PLXDC2: variants seen among roughly 807,000 people sequenced by gnomAD.
PLXDC2 encodes the protein plexin domain containing 2, also known as plexin domain-containing protein 2.
A neutral mutation model predicts 68.9 loss-of-function variants in PLXDC2; 40 were observed. That is an observed-to-expected ratio of 0.58 (90% CI 0.45 to 0.76). The LOEUF (loss-of-function observed/expected upper bound fraction) is 0.76. PLXDC2 is among the 30% of genes least tolerant of loss of function. The probability of loss-of-function intolerance (pLI) is 0.00; values close to 1 mark genes in which losing one functional copy is unlikely to be tolerated. For missense variants in PLXDC2, 644 were observed against 661.9 expected, an observed-to-expected ratio of 0.97 and a Z score of 0.30; for synonymous variants, 243 against 234.2, an observed-to-expected ratio of 1.04 and a Z score of -0.34.
intron 9 of PLXDC2, among the ~76,000 whole-genome samples, chr10:20,195,927 G>A (rs1436071604): frequency 1.3e-5 from 2 of 152,086 alleles, no homozygotes; most frequent in African/African-American, 4.8e-5. Context: ...CCCCCAAGAT[G>A]TTACGTTCCT....
At chr10:20,085,369 T>C (rs1303996837) in intron 4 of PLXDC2, among the ~76,000 whole-genome samples, 1 of 152,100 alleles carries the variant, frequency 6.6e-6, no homozygotes, top group Admixed American at 6.5e-5. Flanking sequence ...TGTCCTTAGC[T>C]GTTTCCTGCT....
At chr10:19,869,094 C>A (rs189995422) in intron 1 of PLXDC2, among the ~76,000 whole-genome samples, 3 of 152,106 alleles carry the variant, frequency 2.0e-5, no homozygotes, top group East Asian at 1.9e-4. Context: ...TACTTTTCAA[C>A]CTTTAATAAC....
At chr10:19,839,029 T>TA (rs1315434768) in intron 1 of PLXDC2, among the ~76,000 whole-genome samples, 1 of 151,796 alleles carries the variant, frequency 6.6e-6, no homozygotes, top group Non-Finnish European at 1.5e-5. Context: ...GTAATAAAAA[T>TA]ACAAAAATCT....
chr10:19,972,723 T>G (rs1478136263), intron 1 of PLXDC2, among the ~76,000 whole-genome samples: 1 of 152,160 alleles, frequency 6.6e-6, no homozygotes, highest in South Asian at 2.1e-4. Context: ...GGGGCACAGT[T>G]GAGCTGTTAA....
At position 19,817,971 on chromosome 10, in the gene PLXDC2, G is replaced by T. The variant is rs542226228; in HGVS notation, c.112+780G>T. 1.5e-4 allele frequency among the ~76,000 whole-genome samples: 23 copies of T among 152,240 alleles called. No individual in the cohort carries two copies. In the South Asian group the frequency reaches 4.8e-3, roughly 32 times the overall value. ...CGTCCTGCGGGGAGTTGCGCCCCGG[G>T]GGCTATCGCCGAGCGGGAGCTGCCT... On this transcript the variant is annotated intron_variant, in intron 1 of 13. Coordinates refer to ENST00000377252, the MANE Select transcript of PLXDC2 (RefSeq NM_032812.9).
intron 1 of PLXDC2, among the ~76,000 whole-genome samples, chr10:19,864,455 C>T (rs368040016): frequency 1.7e-3 from 261 of 152,154 alleles, no homozygotes; most frequent in African/African-American, 6.0e-3. Flanking sequence ...TTTTGATTTT[C>T]GTCTCAAATT....
intron 3 of PLXDC2, among the ~76,000 whole-genome samples, chr10:20,047,394 G>A (rs2131683611): frequency 6.6e-6 from 1 of 152,132 alleles, no homozygotes; most frequent in East Asian, 1.9e-4. Context: ...ATTTACATGG[G>A]TTTATTGCTG....
At chr10:20,244,296 T>G (rs888666303) in intron 12 of PLXDC2, among the ~76,000 whole-genome samples, 4 of 152,158 alleles carry the variant, frequency 2.6e-5, no homozygotes, top group African/African-American at 9.7e-5. Flanking sequence ...GAGAAGACTT[T>G]AGAGATTAGT....
chr10:19,843,274 T>TC (rs1836940827), intron 1 of PLXDC2, among the ~76,000 whole-genome samples: 1 of 152,086 alleles, frequency 6.6e-6, no homozygotes, highest in Admixed American at 6.6e-5. Context: ...ACTTATTTTT[T>TC]TGTTTCACAA....
At chr10:20,222,611 A>T (rs1369627155) in intron 12 of PLXDC2, among the ~76,000 whole-genome samples, 1 of 152,210 alleles carries the variant, frequency 6.6e-6, no homozygotes, top group Non-Finnish European at 1.5e-5. Context: ...AACAAAAGAG[A>T]AAGATACCTA....
intron 1 of PLXDC2, among the ~76,000 whole-genome samples, chr10:19,897,935 A>G (rs912739144): frequency 3.3e-5 from 5 of 152,202 alleles, no homozygotes; most frequent in Non-Finnish European, 7.3e-5. Context: ...TGAAAGTTCT[A>G]TCATGTTTAT....
At position 20,287,690 on chromosome 10, in the gene PLXDC2, A is replaced by G. The variant is rs958730073; in HGVS notation, c.*7871A>G. On this transcript the variant is annotated 3_prime_UTR_variant, in exon 14 of 14. Coordinates refer to ENST00000377252, the MANE Select transcript of PLXDC2 (RefSeq NM_032812.9). The stretch of plus-strand genomic sequence containing the variant: ...CAGTGAAGTCTCTTTAGAAACAGAC[A>G]TCTTGTGTATGGCGTAACCCAGTCT... 1.3e-5 allele frequency: 2 copies of G among 152,150 alleles called. No individual in the cohort carries two copies. The highest frequency in any genetic ancestry group is 4.8e-5 in the African/African-American group (2 of 41,434). The allele number at this position is 152,150 out of a possible 1,614,324, so 9.4% of individuals were successfully genotyped here.
At chr10:19,950,745 C>G (rs1362136948) in intron 1 of PLXDC2, among the ~76,000 whole-genome samples, 1 of 152,116 alleles carries the variant, frequency 6.6e-6, no homozygotes, top group Non-Finnish European at 1.5e-5. Flanking sequence ...TACTTGACTT[C>G]AAACATAGTA....
intron 4 of PLXDC2, among the ~76,000 whole-genome samples, chr10:20,083,476 C>CAAAA (rs376829237): frequency 1.6e-5 from 2 of 121,398 alleles, no homozygotes; most frequent in Admixed American, 8.6e-5. Context: ...GACTCCGTCT[C>CAAAA]AAAAAAAAAA....
chr10:19,986,217 A>T (rs950980545), intron 1 of PLXDC2, among the ~76,000 whole-genome samples: 7 of 152,204 alleles, frequency 4.6e-5, no homozygotes, highest in Non-Finnish European at 8.8e-5. Context: ...TGATAAACGT[A>T]TTATGAACTA....
chr10:20,166,521 C>T (rs770848964), intron 7 of PLXDC2, among the ~76,000 whole-genome samples: 19 of 152,006 alleles, frequency 1.2e-4, no homozygotes, highest in Non-Finnish European at 2.5e-4. Context: ...TGAGGATGGC[C>T]GTTCTCACAT....
intron 3 of PLXDC2, among the ~76,000 whole-genome samples, chr10:20,054,841 C>T (rs527416240): frequency 3.3e-5 from 5 of 151,788 alleles, no homozygotes; most frequent in African/African-American, 1.2e-4. Context: ...TACCCTAAAA[C>T]TTAAAGTATA....
rs1837703764 is a variant in PLXDC2 at position 19,880,254 on chromosome 10, A to G, written c.112+63063A>G. On this transcript the variant is annotated intron_variant, in intron 1 of 13. Transcript: ENST00000377252. Reference sequence around the variant, plus strand: ...CTATTATACTTTTCTTAAAAAACATACTTGCAGTAGTCCTCCCTAATCCAT... The same window carrying G: ...CTATTATACTTTTCTTAAAAAACATGCTTGCAGTAGTCCTCCCTAATCCAT... Among the ~76,000 whole-genome samples, 4 of 152,348 alleles carry G rather than the reference A, an allele frequency of 2.6e-5. No individual in the cohort carries two copies. The South Asian group carries it at 6.2e-4, about 24-fold the overall frequency.
At chr10:20,107,278 C>T (rs1408045627) in intron 4 of PLXDC2, among the ~76,000 whole-genome samples, 1 of 151,930 alleles carries the variant, frequency 6.6e-6, no homozygotes. Context: ...CTTTCATCTC[C>T]AGCAAAAGCC....
Sources: gnomAD v4.1 joint callset for allele counts (sites outside exome capture counted in the v4.1 genomes callset) on GRCh38, gnomAD v4.1.1 for gene constraint, MANE v1.5 for transcripts, NCBI Gene and HGNC (gene_info 2026-07-23, HGNC 2026-07-21) for gene names.